The following RNF157 variants were observed in gnomAD, a reference collection of about 807,000 sequenced individuals.
RNF157 encodes the protein ring finger protein 157, also known as E3 ubiquitin ligase RNF157.
A neutral mutation model predicts 88.3 loss-of-function variants in RNF157; 55 were observed. That is an observed-to-expected ratio of 0.62 (90% CI 0.50 to 0.78). RNF157 has a LOEUF of 0.78. Among genes scored for constraint, RNF157 ranks in the 30% least tolerant of loss-of-function variants. The pLI is 0.00. For synonymous variants in RNF157, 334 were observed against 341.2 expected (o/e 0.98, Z 0.23); for missense variants, 788 against 860.8 (o/e 0.92, Z 1.06).
At chr17:76,225,733 C>A (rs1204501606) in intron 1 of RNF157, 2 of 1,513,584 alleles carry the variant, frequency 1.3e-6, no homozygotes, top group Admixed American at 2.3e-5. Flanking sequence ...CACGTTGACA[C>A]TCCTGACCTA....
In RNF157 at chr17:76,161,760, C is replaced by A; in HGVS notation, c.952+83G>T. On this transcript the variant is annotated intron_variant, in intron 10 of 18. Transcript: ENST00000269391. The surrounding 1 kb of genome is among the most constrained non-coding windows in gnomAD (Gnocchi z 4.6). ...GCGCGCATCCGTTTGTCAGATCCAG[C>A]AGCAGCACATGCTTCAGTGTTTTGT... 6.4e-7 allele frequency: 1 copy of A among 1,553,552 alleles called. No individual in the cohort carries two copies.
chr17:76,142,746 G>A lies in RNF157; in HGVS notation c.*2489C>T, dbSNP rs535292919. On this transcript the variant is annotated 3_prime_UTR_variant, in exon 19 of 19. Transcript: ENST00000269391. The stretch of plus-strand genomic sequence containing the variant: ...AGGCCAGCCGGCTTAGAGTGTGGTG[G>A]TCTGTGCCCAGGAGATGCCTCAGCG... The A allele has an allele frequency of 6.6e-6, 1 of 152,522 alleles. No homozygotes were observed. The highest frequency in any genetic ancestry group is 6.5e-5 in the Admixed American group (1 of 15,306). 9.4% of individuals were successfully genotyped at this position (152,522 alleles called of 1,614,324 possible).
chr17:76,191,263 C>T (rs1251017293), intron 2 of RNF157, among the ~76,000 whole-genome samples: 2 of 151,716 alleles, frequency 1.3e-5, no homozygotes, highest in Admixed American at 1.3e-4. Flanking sequence ...ATCGCTGGAG[C>T]CCAGGAGTTC....
At position 76,160,430 on chromosome 17, in the gene RNF157, A is replaced by G. The variant is rs889692534; in HGVS notation, c.1066-857T>C. 1.3e-5 allele frequency among the ~76,000 whole-genome samples: 2 copies of G among 152,180 alleles called. No individual in the cohort carries two copies. Among genetic ancestry groups the G allele is most frequent in the African/African-American group, 2.4e-5 (1 of 41,518 alleles). Reference sequence around the variant, plus strand: ...CTCCTATAAGTAATACAGAAGACCTATTCTGACTGCTTCCCCGAAAGCAGG... The same window carrying G: ...CTCCTATAAGTAATACAGAAGACCTGTTCTGACTGCTTCCCCGAAAGCAGG... On this transcript the variant is annotated intron_variant, in intron 11 of 18. Transcript: ENST00000269391. This position sits in a 1 kb window ranked among gnomAD's most constrained non-coding sequence, Gnocchi z 4.3.
chr17:76,153,408 T>G (rs1229771698), intron 17 of RNF157: 1 of 152,222 alleles, frequency 6.6e-6, no homozygotes, highest in African/African-American at 2.4e-5. Context: ...CCTCCAACAC[T>G]TCCCAAGCGA....
chr17:76,174,404 T>G lies in RNF157; in HGVS notation c.208-614A>C, dbSNP rs368712952. Among the ~76,000 whole-genome samples the G allele has an allele frequency of 2.8e-4, 42 of 152,342 alleles. No individual in the cohort carries two copies. In the South Asian group the frequency reaches 5.8e-3, roughly 21 times the overall value. Reference sequence around the variant, plus strand: ...GTCTTCATCATTTACCATCCGCTTCTTCCCCCTTTGCCCGTTTAGACCTTT... The same window carrying G: ...GTCTTCATCATTTACCATCCGCTTCGTCCCCCTTTGCCCGTTTAGACCTTT... On this transcript the variant is annotated intron_variant, in intron 2 of 18. Transcript: ENST00000269391.
Position 76,240,176 on chromosome 17 carries a change from A to G in RNF157, c.65T>C (p.Val22Ala). 1 of 1,388,346 alleles carries G rather than the reference A, an allele frequency of 7.2e-7. No homozygotes were observed. The highest frequency in any genetic ancestry group is 9.5e-7 in the Non-Finnish European group (1 of 1,057,014). The allele number at this position is 1,388,346 out of a possible 1,614,324, so 86.0% of individuals were successfully genotyped here. The change falls in exon 1 of 19, where the codon GTG becomes GCG. Residue 22 changes from valine (V) to alanine (A), a missense_variant. Val to Ala is a moderately conservative substitution (Grantham distance 64). Coordinates refer to ENST00000269391, the MANE Select transcript of RNF157 (RefSeq NM_052916.3). The surrounding 1 kb of genome is among the most constrained non-coding windows in gnomAD (Gnocchi z 4.4). ...ACCGGACTTGGGCGGGTAGCGGTAC[A>G]CGGAATTAGACGGGATGTCCACCTC... ...VEEVDIPSNS[V>A]YRYPPKSGSY...
In RNF157 at chr17:76,146,498, C is replaced by T; in HGVS notation, c.1922-1145G>A. The T allele has an allele frequency of 1.0e-6, 1 of 985,468 alleles. No individual in the cohort carries two copies. Among genetic ancestry groups the T allele is most frequent in the South Asian group, 4.7e-5 (1 of 21,290 alleles). 61.0% of individuals were successfully genotyped at this position (985,468 alleles called of 1,614,324 possible). A position where few individuals can be genotyped will look rare whatever the true frequency, so the allele number is the denominator to read the frequency against. ...CGCTCCTGCCTTGGGCCTCGGCTGC[C>T]TCCACTCTCAGGGTCCCCTGGCTCC... On this transcript the variant is annotated intron_variant, in intron 18 of 18. Coordinates refer to ENST00000269391, the MANE Select transcript of RNF157 (RefSeq NM_052916.3). This position sits in a 1 kb window ranked among gnomAD's most constrained non-coding sequence, Gnocchi z 4.2.
intron 2 of RNF157, among the ~76,000 whole-genome samples, chr17:76,190,503 T>A (rs1460723552): frequency 6.6e-6 from 1 of 150,390 alleles, no homozygotes; most frequent in African/African-American, 2.5e-5. Context: ...CTGGGCACAG[T>A]GTCCAGGGAA....
At chr17:76,177,815 A>C (rs936936512) in intron 2 of RNF157, among the ~76,000 whole-genome samples, 1 of 152,076 alleles carries the variant, frequency 6.6e-6, no homozygotes, top group African/African-American at 2.4e-5. Flanking sequence ...AGAGATGTCC[A>C]TAAGACCAGC....
chr17:76,188,251 C>G (rs1291410046), intron 2 of RNF157, among the ~76,000 whole-genome samples: 3 of 152,170 alleles, frequency 2.0e-5, no homozygotes, highest in African/African-American at 7.2e-5. Flanking sequence ...CTGCATCCCA[C>G]GGCCTCCTAC....
At chr17:76,177,926 T>C (rs1026965368) in intron 2 of RNF157, among the ~76,000 whole-genome samples, 1 of 152,170 alleles carries the variant, frequency 6.6e-6, no homozygotes, top group African/African-American at 2.4e-5. Flanking sequence ...CTCCAGGGTC[T>C]CTATGCTAGG....
chr17:76,154,428 G>A lies in RNF157; in HGVS notation c.1765-100C>T, dbSNP rs2068730054. 3.7e-6 allele frequency: 3 copies of A among 806,290 alleles called. No individual in the cohort carries two copies. The Admixed American group carries it at 5.4e-5, about 15-fold the overall frequency. The allele number at this position is 806,290 out of a possible 1,614,324, so 49.9% of individuals were successfully genotyped here. Reference sequence around the variant, plus strand: ...ATCATCCTACTGGTATCTAACTCCAGGGCCTACGTTAATAGCATATATTTC... The same window carrying A: ...ATCATCCTACTGGTATCTAACTCCAAGGCCTACGTTAATAGCATATATTTC... On this transcript the variant is annotated intron_variant, in intron 16 of 18. Transcript: ENST00000269391.
At chr17:76,206,975 T>A (rs1039466670) in intron 2 of RNF157, among the ~76,000 whole-genome samples, 1 of 152,240 alleles carries the variant, frequency 6.6e-6, no homozygotes, top group Non-Finnish European at 1.5e-5. Flanking sequence ...TCTGAGCACC[T>A]GAGTGATACG....
rs769914628 is a variant in RNF157, at chr17:76,167,041, T to A, written c.529A>T (p.Thr177Ser). ...VCQQFCLPSH[T>S]VDPSEWAEEE... ...TCGGCCCACTCGGAGGGATCCACGG[T>A]GTGGGAGGGCAGGCAGAACTGCTGA... Residue 177 changes from threonine to serine, a missense_variant, in exon 5 of 19, where the codon ACC becomes TCC. Transcript: ENST00000269391. The A allele has an allele frequency of 1.9e-6, 3 of 1,611,806 alleles. No individual in the cohort carries two copies. In the South Asian group the frequency reaches 3.3e-5, roughly 18 times the overall value.
rs2068562475 is a variant in RNF157, at chr17:76,144,937, T to G, written c.*298A>C. 3.3e-6 allele frequency: 1 copy of G among 303,308 alleles called. No homozygotes were observed. Among genetic ancestry groups the G allele is most frequent in the African/African-American group, 2.1e-5 (1 of 46,512 alleles). The allele number at this position is 303,308 out of a possible 1,614,324, so 18.8% of individuals were successfully genotyped here. On this transcript the variant is annotated 3_prime_UTR_variant, in exon 19 of 19. Transcript: ENST00000269391. ...ACCCCCTAAGGAGAAAAAAGATGTG[T>G]AAGAAATTAGCCCATGGACCCCAGC... is the stretch of plus-strand genomic sequence containing the variant.
At chr17:76,169,177 GTCTT>G (rs1418353423) in intron 3 of RNF157, among the ~76,000 whole-genome samples, 1 of 152,038 alleles carries the variant, frequency 6.6e-6, no homozygotes, top group Non-Finnish European at 1.5e-5. Flanking sequence ...TATTACTTGC[GTCTT>G]TCTTCTTCTA....
intron 3 of RNF157, 112 bp downstream of exon 3, chr17:76,173,590 C>T: frequency 1.3e-6 from 1 of 792,070 alleles, no homozygotes; most frequent in Non-Finnish European, 2.1e-6. Context: ...GAGAAGCAAG[C>T]TCTGGGGCTG....
intron 1 of RNF157, among the ~76,000 whole-genome samples, chr17:76,222,562 G>A (rs1483717142): frequency 6.6e-6 from 1 of 152,150 alleles, no homozygotes; most frequent in East Asian, 1.9e-4. Context: ...TGTATCGTAA[G>A]CAAGATACAG....
Sources: allele counts gnomAD v4.1 joint callset (sites outside exome capture counted in the v4.1 genomes callset), GRCh38; gene constraint gnomAD v4.1.1; non-coding constraint Gnocchi (gnomAD v3.1); transcripts MANE v1.5; gene names NCBI Gene and HGNC (gene_info 2026-07-23, HGNC 2026-07-21).